Variants in B4GALNT1 observed in about 807,000 individuals in gnomAD.
B4GALNT1 encodes the protein beta-1,4 N-acetylgalactosaminyltransferase 1.
Under a neutral mutation model 55.2 loss-of-function variants are expected in B4GALNT1, and 43 were observed. The ratio of observed to expected loss-of-function variants is 0.78; its 90% CI spans 0.61 to 1.00. The LOEUF is 1.00. Ranked by LOEUF, B4GALNT1 falls within the 50% of genes least tolerant of loss-of-function variation. The pLI is 0.00. For missense variants in B4GALNT1, 664 were observed against 729.7 expected (o/e 0.91, Z 1.04); for synonymous variants, 305 against 311.6 (o/e 0.98, Z 0.22).
At position 57,623,799 on chromosome 12, in the gene B4GALNT1, C is replaced by T; in HGVS notation, c.*2945G>A. ...AGCTCTCATGTGGGGGTGGGAGGCT[C>T]TCTTCCTTTTTTGCTCCTGTTCCTC... On this transcript the variant is annotated 3_prime_UTR_variant, in exon 11 of 11. Transcript: ENST00000341156. 6.3e-7 allele frequency: 1 copy of T among 1,592,996 alleles called. No homozygotes were observed. Among genetic ancestry groups the T allele is most frequent in the Non-Finnish European group, 8.6e-7 (1 of 1,165,896 alleles).
intron 3 of B4GALNT1, 45 bp from the exon 4 acceptor site, chr12:57,631,131 G>A (rs1475835238): frequency 1.2e-6 from 2 of 1,608,742 alleles, no homozygotes; most frequent in South Asian, 2.2e-5. Flanking sequence ...CGGGGGGAGA[G>A]GGTCTCTCCC....
intron 6 of B4GALNT1, 47 bp downstream of exon 6, chr12:57,630,102 GTTC>G: frequency 6.2e-7 from 1 of 1,614,016 alleles, no homozygotes; most frequent in Non-Finnish European, 8.5e-7. Context: ...AGCCTTTCTG[GTTC>G]TTCTCTGTTT....
intron 9 of B4GALNT1, 74 bp downstream of exon 9, chr12:57,628,046 GCC>G (rs906756835): frequency 1.3e-6 from 2 of 1,579,580 alleles, no homozygotes; most frequent in African/African-American, 2.7e-5. Flanking sequence ...GCCGTTCCTG[GCC>G]GCAGCGCCCC....
Position 57,631,990 on chromosome 12 carries a change from CTGCGGGGGCTT to C in B4GALNT1, c.132_142del (p.Ser45AlafsTer9). The stretch of plus-strand genomic sequence containing the variant: ...AGGAGCAAGATCTGGCAGCTCGGGC[CTGCGGGGGCTT>C]TGCGGGGGCGCCCACGGCGCAAGAG... On this transcript the variant is annotated frameshift_variant, in exon 2 of 11. Coordinates refer to ENST00000341156, the MANE Select transcript of B4GALNT1 (RefSeq NM_001478.5). LOFTEE classifies it high-confidence loss of function. The C allele has an allele frequency of 6.9e-7, 1 of 1,457,126 alleles. No homozygotes were observed. The highest frequency in any genetic ancestry group is 9.0e-7 in the Non-Finnish European group (1 of 1,105,282). 90.3% of individuals were successfully genotyped at this position (1,457,126 alleles called of 1,614,324 possible).
At position 57,624,122 on chromosome 12, in the gene B4GALNT1, A is replaced by T; in HGVS notation, c.*2622T>A. On this transcript the variant is annotated 3_prime_UTR_variant, in exon 11 of 11. Coordinates refer to ENST00000341156, the MANE Select transcript of B4GALNT1 (RefSeq NM_001478.5). ...TTGTGAGAAATGCCATTACCCCCAG[A>T]TTGCCCCCTCTCATCTTGTTAGCAT... The T allele has an allele frequency of 1.2e-6, 2 of 1,610,244 alleles. No homozygotes were observed. The highest frequency in any genetic ancestry group is 1.7e-6 in the Non-Finnish European group (2 of 1,177,166).
chr12:57,631,532 C>T (rs1184397080), intron 2 of B4GALNT1, among the ~76,000 whole-genome samples, 168 bp from the exon 3 acceptor site: 1 of 152,142 alleles, frequency 6.6e-6, no homozygotes, highest in Non-Finnish European at 1.5e-5. Flanking sequence ...GACCAAGGAT[C>T]GGATGACCTA....
chr12:57,632,118 G>A lies in B4GALNT1; in HGVS notation c.15C>T (p.Arg5=), dbSNP rs1175444824. ...GAAGGACCAGAGCGCACAGGGCCCG[G>A]CGGCCCAGCCACATCCTAGGTGGGG... MWLG[R]RALCALVLLL... The change falls in exon 2 of 11, where the codon CGC becomes CGT. Residue 5 remains arginine (R), a synonymous_variant. Transcript: ENST00000341156. The A allele has an allele frequency of 6.6e-7, 1 of 1,507,060 alleles. No homozygotes were observed. The highest frequency in any genetic ancestry group is 2.5e-5 in the East Asian group (1 of 40,238). 93.4% of individuals were successfully genotyped at this position (1,507,060 alleles called of 1,614,324 possible).
At chr12:57,629,412 T>C in intron 6 of B4GALNT1, 1 of 371,074 alleles carries the variant, frequency 2.7e-6, no homozygotes, top group South Asian at 8.7e-5. Flanking sequence ...GCACTCATTT[T>C]ATCCCCATGA....
rs765971901 is a variant in B4GALNT1, at chr12:57,624,483, C to G, written c.*2261G>C. 3.2e-6 allele frequency: 2 copies of G among 616,892 alleles called. No homozygotes were observed. The highest frequency in any genetic ancestry group is 3.2e-6 in the Non-Finnish European group (1 of 316,382). 38.2% of individuals were successfully genotyped at this position (616,892 alleles called of 1,614,324 possible). ...GGCTTTTCTTTTGGGCAATCCACCC[C>G]TATCCCTATCCTGCAGGCTGTGTGG... On this transcript the variant is annotated 3_prime_UTR_variant, in exon 11 of 11. Transcript: ENST00000341156.
Position 57,627,828 on chromosome 12 carries a change from A to G in B4GALNT1, c.1174T>C (p.Phe392Leu), listed in dbSNP as rs1884935276. 1 of 1,590,076 alleles carries G rather than the reference A, an allele frequency of 6.3e-7. No homozygotes were observed. The highest frequency in any genetic ancestry group is 8.6e-7 in the Non-Finnish European group (1 of 1,166,404). The change falls in exon 10 of 11, where the codon TTT (phenylalanine) becomes CTT (leucine). Residue 392 changes from phenylalanine (F) to leucine (L), a missense_variant. By Grantham distance (22) the Phe-to-Leu change is conservative. Transcript: ENST00000341156. ...VGGAVREISG[F>L]ATTYRQLLSV... ...AGCAGCTGCCGATAAGTGGTGGCAA[A>G]GCCGGAGATCTCGCGCACCGCGCCC...
chr12:57,629,924 G>A (rs1451922512), intron 6 of B4GALNT1: 2 of 1,536,200 alleles, frequency 1.3e-6, no homozygotes, highest in Non-Finnish European at 1.7e-6. Flanking sequence ...CTAAAGGGGA[G>A]ACACACCCAA....
chr12:57,632,215 A>C (rs920941349), intron 1 of B4GALNT1, 82 bp from the exon 2 acceptor site: 1 of 1,354,820 alleles, frequency 7.4e-7, no homozygotes, highest in Middle Eastern at 1.8e-4. Context: ...CCGCGTCCTC[A>C]GAGGCTCCTG....
Position 57,630,996 on chromosome 12 carries a change from C to T in B4GALNT1, c.474G>A (p.Arg158=), listed in dbSNP as rs764065466. Reference sequence around the variant, plus strand: ...CCTCCCTACCTGGCACCAAGATGCTCCTGAGGGGCTGAACTTCCACACCCT... The same window carrying T: ...CCTCCCTACCTGGCACCAAGATGCTTCTGAGGGGCTGAACTTCCACACCCT... ...PLQGVEVQPL[R]SILVPGLSLQ... is the part of the protein sequence containing the mutation. Residue 158 remains arginine (R), a synonymous_variant, in exon 4 of 11, where the codon AGG becomes AGA. Coordinates refer to ENST00000341156, the MANE Select transcript of B4GALNT1 (RefSeq NM_001478.5). The T allele has an allele frequency of 6.2e-6, 10 of 1,612,946 alleles. No individual in the cohort carries two copies. In the African/African-American group the frequency reaches 1.2e-4, roughly 19 times the overall value.
At chr12:57,628,500 A>G (rs552821833) in intron 8 of B4GALNT1, 1 of 796,712 alleles carries the variant, frequency 1.3e-6, no homozygotes, top group African/African-American at 1.7e-5. Context: ...CAGCTATTTT[A>G]TTGAATGCCA....
chr12:57,626,526 A>G lies in B4GALNT1; in HGVS notation c.*218T>C, dbSNP rs1438245848. 4 of 582,210 alleles carry G rather than the reference A, an allele frequency of 6.9e-6. No homozygotes were observed. The East Asian group carries it at 1.2e-4, about 17-fold the overall frequency. The allele number at this position is 582,210 out of a possible 1,614,324, so 36.1% of individuals were successfully genotyped here. A position where few individuals can be genotyped will look rare whatever the true frequency, so the allele number is the denominator to read the frequency against. ...GGGAGGACTTGGCACTGGCTGTGGG[A>G]GAGGTTATGGCTCCACCAGGCCTCT... is the stretch of plus-strand genomic sequence containing the variant. On this transcript the variant is annotated 3_prime_UTR_variant, in exon 11 of 11. Transcript: ENST00000341156.
At chr12:57,628,424 C>T in intron 8 of B4GALNT1, 162 bp from the exon 9 acceptor site, 1 of 1,092,256 alleles carries the variant, frequency 9.2e-7, no homozygotes, top group Non-Finnish European at 1.3e-6. Flanking sequence ...CAGATCCCCA[C>T]AGAGGTTCCA....
Position 57,625,582 on chromosome 12 carries a change from C to A in B4GALNT1, c.*1162G>T. The A allele has an allele frequency of 1.3e-6, 2 of 1,598,850 alleles. No homozygotes were observed. The highest frequency in any genetic ancestry group is 1.7e-6 in the Non-Finnish European group (2 of 1,171,104). ...AGAGTCTGACACCCTCCCCACATAG[C>A]CTTGGTGCAGGGGACACTGACCCGG... is the stretch of plus-strand genomic sequence containing the variant. On this transcript the variant is annotated 3_prime_UTR_variant, in exon 11 of 11. Transcript: ENST00000341156.
chr12:57,623,785 G>C lies in B4GALNT1; in HGVS notation c.*2959C>G, dbSNP rs770271939. 2 of 1,516,588 alleles carry C rather than the reference G, an allele frequency of 1.3e-6. No individual in the cohort carries two copies. Among genetic ancestry groups the C allele is most frequent in the Admixed American group, 1.8e-5 (1 of 56,868 alleles). 93.9% of individuals were successfully genotyped at this position (1,516,588 alleles called of 1,614,324 possible). A position where few individuals can be genotyped will look rare whatever the true frequency, so the allele number is the denominator to read the frequency against. ...TGGGCAGGAAGACCAGCTCTCATGT[G>C]GGGGTGGGAGGCTCTCTTCCTTTTT... is the stretch of plus-strand genomic sequence containing the variant. On this transcript the variant is annotated 3_prime_UTR_variant, in exon 11 of 11. Transcript: ENST00000341156.
chr12:57,632,438 C>G, intron 1 of B4GALNT1: 1 of 488,086 alleles, frequency 2.0e-6, no homozygotes, highest in Non-Finnish European at 3.8e-6. Flanking sequence ...TCGACGCGGC[C>G]GTGCGTAAGC....
Sources: gnomAD v4.1 joint callset for allele counts (sites outside exome capture counted in the v4.1 genomes callset) on GRCh38, gnomAD v4.1.1 for gene constraint, MANE v1.5 for transcripts, NCBI Gene and HGNC (gene_info 2026-07-23, HGNC 2026-07-21) for gene names.